Variants in AK9 observed in about 807,000 individuals in gnomAD.
The protein encoded by AK9 is adenylate kinase 9.
In AK9, 191 loss-of-function variants were observed where a neutral mutation model predicts 239.6. That is an observed-to-expected ratio of 0.80 (90% CI 0.71 to 0.90). AK9 has a LOEUF of 0.90. AK9 is among the 40% of genes least tolerant of loss of function. The probability of loss-of-function intolerance (pLI) is 0.00; values close to 1 mark genes in which losing one functional copy is unlikely to be tolerated. For synonymous variants in AK9, 689 were observed against 721.0 expected (o/e 0.96, Z 0.71); for missense variants, 1,995 against 2,214.7 (o/e 0.90, Z 1.99).
At chr6:109,651,728 T>G (rs1798977202) in intron 8 of AK9, among the ~76,000 whole-genome samples, 1 of 151,932 alleles carries the variant, frequency 6.6e-6, no homozygotes, top group Non-Finnish European at 1.5e-5. Flanking sequence ...TAAAAAATGA[T>G]AAAGGGGATA....
intron 10 of AK9, among the ~76,000 whole-genome samples, chr6:109,636,767 C>CACACACACACACACACA (rs1177546474): frequency 6.6e-6 from 1 of 151,156 alleles, no homozygotes; most frequent in Non-Finnish European, 1.5e-5. Flanking sequence ...CACACACACA[C>CACACACACACACACACA]ACACACACAC....
Position 109,573,605 on chromosome 6 carries a change from T to C in AK9, c.2192-11A>G. On this transcript the variant is annotated splice_polypyrimidine_tract_variant and intron_variant, in intron 20 of 40. Transcript: ENST00000424296. ...CAGTCTCTTCAGCTTCTAAAAAAAT[T>C]TGAAGAAATAAATTATCATTTGGTT... 3 of 1,533,776 alleles carry C rather than the reference T, an allele frequency of 2.0e-6. No homozygotes were observed. Among genetic ancestry groups the C allele is most frequent in the Non-Finnish European group, 2.6e-6 (3 of 1,139,986 alleles).
At chr6:109,602,442 C>T (rs564737962) in intron 17 of AK9, among the ~76,000 whole-genome samples, 32 of 152,276 alleles carry the variant, frequency 2.1e-4, no homozygotes, top group East Asian at 1.3e-3. Context: ...CCGAGAGATC[C>T]GCTGTTAGTC....
chr6:109,578,310 C>T (rs1224514362), intron 20 of AK9, among the ~76,000 whole-genome samples: 2 of 151,506 alleles, frequency 1.3e-5, no homozygotes, highest in Admixed American at 6.6e-5. Context: ...CTCAAGTGAT[C>T]CGCCCTCCTC....
chr6:109,515,939 G>T lies in AK9; in HGVS notation c.3983C>A (p.Pro1328Gln). The part of the protein sequence containing the change: ...NRASIFEKCH[P>Q]IPAPLAQKML... ...TTTCTGGGCAAGGGGTGCTGGTATT[G>T]GATGACATTTCTCAAAAATGCTTGC... Residue 1328 changes from proline (P) to glutamine (Q), a missense_variant, in exon 31 of 41, where the codon CCA becomes CAA. Physicochemically the swap from Pro to Gln is moderately conservative, Grantham distance 76 (BLOSUM62 -1). Coordinates refer to ENST00000424296, the MANE Select transcript of AK9 (RefSeq NM_001145128.3). 2 of 1,551,686 alleles carry T rather than the reference G, an allele frequency of 1.3e-6. No homozygotes were observed. Among genetic ancestry groups the T allele is most frequent in the Non-Finnish European group, 1.7e-6 (2 of 1,146,896 alleles).
intron 12 of AK9, among the ~76,000 whole-genome samples, chr6:109,628,301 C>A (rs913735202): frequency 6.6e-6 from 1 of 152,222 alleles, no homozygotes; most frequent in Non-Finnish European, 1.5e-5. Flanking sequence ...CTTGGCCACA[C>A]ACACTTGGGC....
chr6:109,580,081 G>A (rs1303278013), intron 19 of AK9, among the ~76,000 whole-genome samples: 3 of 152,086 alleles, frequency 2.0e-5, no homozygotes, highest in Non-Finnish European at 4.4e-5. Flanking sequence ...TGGTCAACAT[G>A]GATGATGGCA....
In AK9 at chr6:109,687,410, C is replaced by T. The variant is rs544547714; in HGVS notation, c.-12+3737G>A. Reference sequence around the variant, plus strand: ...GTCTGTAACTTGCTTCTAAATAGAGCAAAGGTGACAGAATGTCTGTCTCAT... The same window carrying T: ...GTCTGTAACTTGCTTCTAAATAGAGTAAAGGTGACAGAATGTCTGTCTCAT... On this transcript the variant is annotated intron_variant, in intron 1 of 40. Coordinates refer to ENST00000424296, the MANE Select transcript of AK9 (RefSeq NM_001145128.3). Among the ~76,000 whole-genome samples the T allele has an allele frequency of 2.2e-3, 338 of 152,186 alleles. 1 individual carries two copies. The highest frequency in any genetic ancestry group is 6.8e-3 in the Middle Eastern group (2 of 292).
intron 13 of AK9, among the ~76,000 whole-genome samples, chr6:109,617,749 G>A (rs1185166527): frequency 3.3e-5 from 5 of 152,036 alleles, no homozygotes; most frequent in Non-Finnish European, 5.9e-5. Context: ...AACATGAATA[G>A]AAAAAAAGAG....
In AK9 at chr6:109,579,546, T is replaced by C; in HGVS notation, c.2191+4A>G. 2 of 1,550,788 alleles carry C rather than the reference T, an allele frequency of 1.3e-6. No homozygotes were observed. Among genetic ancestry groups the C allele is most frequent in the Non-Finnish European group, 1.7e-6 (2 of 1,146,178 alleles). ...CATCATCAGTCATAGCAATCTGTGC[T>C]TGCCTTTTGCCTTCACTTTCATAAG... On this transcript the variant is annotated splice_donor_region_variant and intron_variant, in intron 20 of 40. Coordinates refer to ENST00000424296, the MANE Select transcript of AK9 (RefSeq NM_001145128.3).
chr6:109,636,194 A>C (rs1796688615), intron 10 of AK9, among the ~76,000 whole-genome samples: 5 of 151,942 alleles, frequency 3.3e-5, no homozygotes, highest in Admixed American at 3.3e-4. Flanking sequence ...ACCCATGCCC[A>C]TGTCCTCATC....
chr6:109,523,933 G>T (rs980729978), intron 29 of AK9, among the ~76,000 whole-genome samples: 6 of 152,010 alleles, frequency 3.9e-5, no homozygotes, highest in African/African-American at 1.5e-4. Flanking sequence ...ACAAAGTCCA[G>T]AATCCCCACA....
intron 21 of AK9, among the ~76,000 whole-genome samples, chr6:109,569,171 A>C (rs932565696): frequency 2.6e-5 from 4 of 152,150 alleles, no homozygotes; most frequent in Non-Finnish European, 5.9e-5. Context: ...CAAAAACAAG[A>C]AATGGGGAAA....
chr6:109,661,690 T>A (rs6568590), intron 6 of AK9, among the ~76,000 whole-genome samples: 1 of 151,980 alleles, frequency 6.6e-6, no homozygotes, highest in South Asian at 2.1e-4. Flanking sequence ...CACCTCTCTC[T>A]CACAGCTGAC....
At chr6:109,528,563 C>T (rs1181518758) in intron 29 of AK9, 6 of 456,974 alleles carry the variant, frequency 1.3e-5, no homozygotes, top group Non-Finnish European at 2.2e-5. Flanking sequence ...TTTGTTTTGA[C>T]AAAGCAACAA....
chr6:109,606,232 C>T (rs1303093918), intron 17 of AK9, among the ~76,000 whole-genome samples: 1 of 151,022 alleles, frequency 6.6e-6, no homozygotes, highest in East Asian at 1.9e-4. Flanking sequence ...TTTATGTTTA[C>T]TTTATATTTT....
intron 17 of AK9, among the ~76,000 whole-genome samples, chr6:109,601,044 T>C (rs915387002): frequency 5.9e-5 from 9 of 152,194 alleles, no homozygotes; most frequent in African/African-American, 2.2e-4. Flanking sequence ...GATTCACTGA[T>C]TTTTTGAAGG....
chr6:109,612,117 C>A, intron 15 of AK9, 24 bp from the exon 16 acceptor site: 1 of 1,428,456 alleles, frequency 7.0e-7, no homozygotes, highest in Non-Finnish European at 9.5e-7. Flanking sequence ...ATTGTGAATG[C>A]CTAAAGAACG....
chr6:109,534,300 T>A (rs1326462911), intron 27 of AK9, among the ~76,000 whole-genome samples: 1 of 149,964 alleles, frequency 6.7e-6, no homozygotes, highest in Non-Finnish European at 1.5e-5. Context: ...TATTTTATTT[T>A]ATTTTATTTA....
Sources: gnomAD v4.1 joint callset for allele counts (sites outside exome capture counted in the v4.1 genomes callset) on GRCh38, gnomAD v4.1.1 for gene constraint, MANE v1.5 for transcripts, NCBI Gene and HGNC (gene_info 2026-07-23, HGNC 2026-07-21) for gene names.